The following AGBL1 variants were observed in gnomAD, a reference collection of about 807,000 sequenced individuals.
AGBL1 encodes the protein AGBL carboxypeptidase 1.
Under a neutral mutation model 118.9 loss-of-function variants are expected in AGBL1, and 130 were observed. The ratio of observed to expected loss-of-function variants is 1.09; its 90% confidence interval spans 0.95 to 1.26. AGBL1 has a LOEUF of 1.26. Ranked by LOEUF, AGBL1 falls within the 50% of genes most tolerant of loss-of-function variation. AGBL1 has a pLI of 0.00. For missense variants in AGBL1, 1,584 were observed against 1,298.1 expected (o/e 1.22, Z -3.38); for synonymous variants, 555 against 478.9 (o/e 1.16, Z -2.08).
chr15:86,176,185 G>A (rs1334949035), intron 5 of AGBL1, among the ~76,000 whole-genome samples: 1 of 152,204 alleles, frequency 6.6e-6, no homozygotes, highest in Admixed American at 6.5e-5. Context: ...CTAGCATGGG[G>A]AATGATGCCA....
At chr15:86,310,702 G>T (rs576171685) in intron 17 of AGBL1, among the ~76,000 whole-genome samples, 6 of 152,134 alleles carry the variant, frequency 3.9e-5, no homozygotes, top group African/African-American at 1.4e-4. Flanking sequence ...GCATGGAGCC[G>T]TGGGGGCCAG....
intron 18 of AGBL1, among the ~76,000 whole-genome samples, chr15:86,430,651 G>A (rs1237090806): frequency 6.6e-6 from 1 of 152,108 alleles, no homozygotes; most frequent in African/African-American, 2.4e-5. Context: ...TAGGATAGAT[G>A]CTTTAATAGA....
At chr15:86,310,026 G>C (rs2079896145) in intron 17 of AGBL1, among the ~76,000 whole-genome samples, 1 of 152,146 alleles carries the variant, frequency 6.6e-6, no homozygotes, top group South Asian at 2.1e-4. Context: ...TAAATACTTG[G>C]TAGAATTTAC....
At chr15:87,017,862 A>G (rs879904995) in intron 24 of AGBL1, among the ~76,000 whole-genome samples, 3 of 152,154 alleles carry the variant, frequency 2.0e-5, no homozygotes, top group Non-Finnish European at 4.4e-5. Flanking sequence ...GAGCTAAAGG[A>G]GCATGTTGTA....
rs1167884439 is a variant in AGBL1 at position 86,674,455 on chromosome 15, C to T, written c.3158+19C>T. 1.3e-6 allele frequency: 2 copies of T among 1,590,876 alleles called. No individual in the cohort carries two copies. The highest frequency in any genetic ancestry group is 8.6e-7 in the Non-Finnish European group (1 of 1,163,190). On this transcript the variant is annotated intron_variant, in intron 22 of 22. Coordinates refer to ENST00000614907, the MANE Select transcript of AGBL1 (RefSeq NM_001386094.1). ...TCCAACGGTAAGATGCTCCCAAGGGCTCAGAGAAATTTGGACCTTGGTGGT... is the reference window on the plus strand; with the variant it reads ...TCCAACGGTAAGATGCTCCCAAGGGTTCAGAGAAATTTGGACCTTGGTGGT...
At chr15:86,697,065 C>T (rs2086275618) in intron 22 of AGBL1, among the ~76,000 whole-genome samples, 1 of 151,862 alleles carries the variant, frequency 6.6e-6, no homozygotes, top group African/African-American at 2.4e-5. Context: ...AACCTGATGA[C>T]TATGTGCCTA....
intron 1 of AGBL1, chr15:86,088,025 G>A (rs1470146303): frequency 6.6e-6 from 1 of 152,364 alleles, no homozygotes; most frequent in Non-Finnish European, 1.5e-5. Flanking sequence ...CAAGTTTTCA[G>A]GCTTTGTAGG....
chr15:86,116,933 A>G (rs1897797863), intron 1 of AGBL1, among the ~76,000 whole-genome samples: 1 of 151,170 alleles, frequency 6.6e-6, no homozygotes. Context: ...GGCCTCAGAA[A>G]CACCTTTCTT....
intron 21 of AGBL1, among the ~76,000 whole-genome samples, chr15:86,638,806 C>T (rs1567097019): frequency 1.3e-5 from 2 of 152,164 alleles, no homozygotes; most frequent in Non-Finnish European, 2.9e-5. Context: ...TACATATTAT[C>T]TCATAGTTTC....
chr15:86,780,768 A>G (rs1455762742), intron 22 of AGBL1, among the ~76,000 whole-genome samples: 5 of 151,704 alleles, frequency 3.3e-5, no homozygotes, highest in Non-Finnish European at 5.9e-5. Context: ...GGTTCAAGCA[A>G]TTCTCCTGCC....
At chr15:86,633,831 A>G (rs1483431044) in intron 21 of AGBL1, among the ~76,000 whole-genome samples, 489 of 11,752 alleles carry the variant, frequency 0.042, 1 homozygote, top group Non-Finnish European at 0.06. Flanking sequence ...TATATATATA[A>G]TGTATATATA....
chr15:86,635,308 CTCCTCCTCCT>C (rs2085062815), intron 21 of AGBL1, among the ~76,000 whole-genome samples: 1 of 5,314 alleles, frequency 1.9e-4, no homozygotes, highest in African/African-American at 3.4e-4. Flanking sequence ...TCCCCTCCTC[CTCCTCCTCCT>C]CCTCCTCCTC....
At chr15:86,592,248 G>A (rs894282130) in intron 21 of AGBL1, among the ~76,000 whole-genome samples, 1 of 152,164 alleles carries the variant, frequency 6.6e-6, no homozygotes, top group African/African-American at 2.4e-5. Context: ...CAAACTGTTA[G>A]CAGCAGCGAA....
intron 5 of AGBL1, among the ~76,000 whole-genome samples, chr15:86,165,991 A>C (rs1597482635): frequency 6.6e-6 from 1 of 152,146 alleles, no homozygotes; most frequent in African/African-American, 2.4e-5. Flanking sequence ...TTAAGAAGCC[A>C]CTGAGCTCTT....
At chr15:86,488,181 A>G (rs961089382) in intron 18 of AGBL1, among the ~76,000 whole-genome samples, 1 of 152,038 alleles carries the variant, frequency 6.6e-6, no homozygotes, top group Non-Finnish European at 1.5e-5. Flanking sequence ...TCCTATATGT[A>G]TAAAAATGAT....
At chr15:86,872,773 A>C (rs570060401) in intron 22 of AGBL1, among the ~76,000 whole-genome samples, 58 of 152,300 alleles carry the variant, frequency 3.8e-4, no homozygotes, top group Middle Eastern at 6.8e-3. Context: ...ATAAATAAAA[A>C]GAAAGTACTT....
rs575726529 is a variant in AGBL1, at chr15:86,668,180, C to T, written c.2995-6093C>T. ...AACACCTCCCACCAGACCCCACCTC[C>T]AACATTGGGGATCACATTTCAACAT... is the stretch of plus-strand genomic sequence containing the variant. On this transcript the variant is annotated intron_variant, in intron 21 of 22. Transcript: ENST00000614907. Among the ~76,000 whole-genome samples the T allele has an allele frequency of 9.2e-5, 14 of 152,308 alleles. 2 individuals are homozygous for T. The South Asian group carries it at 2.5e-3, about 27-fold the overall frequency.
chr15:86,318,148 TA>T, intron 17 of AGBL1, among the ~76,000 whole-genome samples: 1 of 152,356 alleles, frequency 6.6e-6, no homozygotes, highest in East Asian at 1.9e-4. Context: ...GCAAACCATT[TA>T]CCCAAAGTCA....
chr15:86,475,329 A>C (rs1161356321), intron 18 of AGBL1, among the ~76,000 whole-genome samples: 1 of 152,170 alleles, frequency 6.6e-6, no homozygotes, highest in African/African-American at 2.4e-5. Flanking sequence ...ACCTTGAAAA[A>C]AGATTAGAAG....
Sources: gnomAD v4.1 joint callset for allele counts (sites outside exome capture counted in the v4.1 genomes callset) on GRCh38, gnomAD v4.1.1 for gene constraint, MANE v1.5 for transcripts, NCBI Gene and HGNC (gene_info 2026-07-23, HGNC 2026-07-21) for gene names.